The following ARHGAP22 variants were observed in gnomAD, a reference collection of about 807,000 sequenced individuals.
The protein encoded by ARHGAP22 is rho GTPase-activating protein 22.
Under a neutral mutation model 59.1 loss-of-function variants are expected in ARHGAP22, and 48 were observed. The ratio of observed to expected loss-of-function variants is 0.81; its 90% CI spans 0.64 to 1.03. The LOEUF (loss-of-function observed/expected upper bound fraction) is 1.03. Ranked by LOEUF, ARHGAP22 falls within the 50% of genes least tolerant of loss-of-function variation. ARHGAP22 has a pLI of 0.00. For synonymous variants in ARHGAP22, 445 were observed against 416.4 expected, an observed-to-expected ratio of 1.07 and a Z score of -0.84; for missense variants, 1,015 against 958.7, an observed-to-expected ratio of 1.06 and a Z score of -0.78.
chr10:48,630,614 A>G (rs1236969914), intron 1 of ARHGAP22, among the ~76,000 whole-genome samples: 1 of 152,238 alleles, frequency 6.6e-6, no homozygotes, highest in East Asian at 1.9e-4. Flanking sequence ...TGATATAAAA[A>G]AGGCATTGAC....
At position 48,446,528 on chromosome 10, in the gene ARHGAP22, T is replaced by C. The variant is rs1279804513; in HGVS notation, c.1960A>G (p.Ile654Val). ...GCCCGTTCAGAGTTCCGCAGCTTTA[T>C]TTCCAGCATGATGTATTTTTTCTTT... Reference protein sequence around the residue: ...QEKKKYIMLEIKLRNSERARE... With the variant: ...QEKKKYIMLEVKLRNSERARE... Residue 654 changes from isoleucine to valine, a missense_variant, in exon 10 of 10, where the codon ATA becomes GTA. Transcript: ENST00000249601. 4 of 1,614,254 alleles carry C rather than the reference T, an allele frequency of 2.5e-6. No homozygotes were observed. Among genetic ancestry groups the C allele is most frequent in the South Asian group, 2.2e-5 (2 of 91,086 alleles).
chr10:48,519,855 T>C (rs926372357), intron 3 of ARHGAP22, among the ~76,000 whole-genome samples: 3 of 152,136 alleles, frequency 2.0e-5, no homozygotes, highest in African/African-American at 7.2e-5. Context: ...GCTGAGCCTT[T>C]TCTGCAGGCA....
intron 3 of ARHGAP22, among the ~76,000 whole-genome samples, chr10:48,540,101 T>C (rs1052477080): frequency 4.6e-5 from 7 of 152,208 alleles, no homozygotes; most frequent in African/African-American, 1.7e-4. Context: ...CCCTTAACCA[T>C]GACCCCACAG....
chr10:48,530,236 CAAAAAAA>C (rs60902650), intron 3 of ARHGAP22, among the ~76,000 whole-genome samples: 6 of 49,042 alleles, frequency 1.2e-4, no homozygotes, highest in African/African-American at 2.1e-4. Context: ...GACTCCATTG[CAAAAAAA>C]AAAAAAAAAA....
chr10:48,576,602 A>T (rs2058725728), intron 2 of ARHGAP22, among the ~76,000 whole-genome samples: 1 of 151,968 alleles, frequency 6.6e-6, no homozygotes, highest in Non-Finnish European at 1.5e-5. Context: ...AATTATTTCC[A>T]TCTTATTTCA....
At chr10:48,564,037 A>G (rs912215205) in intron 2 of ARHGAP22, among the ~76,000 whole-genome samples, 4 of 152,228 alleles carry the variant, frequency 2.6e-5, no homozygotes, top group African/African-American at 9.6e-5. Context: ...ACCATGCAAC[A>G]GGAAGAGCAT....
chr10:48,615,380 G>T (rs1256222293), intron 1 of ARHGAP22, among the ~76,000 whole-genome samples: 1 of 152,138 alleles, frequency 6.6e-6, no homozygotes, highest in Non-Finnish European at 1.5e-5. Context: ...GACCACAGAT[G>T]ATAAAGAATA....
chr10:48,539,291 A>ATTTTTTTTT (rs56801787), intron 3 of ARHGAP22, among the ~76,000 whole-genome samples: 2 of 136,258 alleles, frequency 1.5e-5, no homozygotes, highest in African/African-American at 2.8e-5. Flanking sequence ...GAAGGGTAAC[A>ATTTTTTTTT]TTTTTTTTTT....
intron 4 of ARHGAP22, among the ~76,000 whole-genome samples, chr10:48,461,535 T>G (rs1016145765): frequency 6.6e-6 from 1 of 152,024 alleles, no homozygotes; most frequent in South Asian, 2.1e-4. Context: ...AAATGAGGAA[T>G]AGAGGGAGAG....
At chr10:48,587,353 G>A (rs1487897546) in intron 1 of ARHGAP22, among the ~76,000 whole-genome samples, 2 of 152,242 alleles carry the variant, frequency 1.3e-5, no homozygotes, top group African/African-American at 4.8e-5. Flanking sequence ...GGGGACTAAG[G>A]AGGACAGGGA....
intron 6 of ARHGAP22, among the ~76,000 whole-genome samples, chr10:48,454,448 A>G (rs1368950192): frequency 6.6e-6 from 1 of 152,136 alleles, no homozygotes; most frequent in Non-Finnish European, 1.5e-5. Context: ...TCAAGACACA[A>G]ATATTTGCCA....
At chr10:48,640,138 G>A (rs1196961158) in intron 1 of ARHGAP22, among the ~76,000 whole-genome samples, 1 of 152,114 alleles carries the variant, frequency 6.6e-6, no homozygotes, top group African/African-American at 2.4e-5. Flanking sequence ...ACAGGTGAAT[G>A]TAAAGACAGA....
chr10:48,563,862 T>C (rs755874328), intron 2 of ARHGAP22, among the ~76,000 whole-genome samples: 5 of 152,258 alleles, frequency 3.3e-5, no homozygotes, highest in Non-Finnish European at 7.3e-5. Context: ...TTTTTGGACA[T>C]ATTGGGTAAT....
Position 48,543,068 on chromosome 10 carries a change from G to T in ARHGAP22, c.322+12395C>A, listed in dbSNP as rs1041598864. Among the ~76,000 whole-genome samples, 7 of 152,214 alleles carry T rather than the reference G, an allele frequency of 4.6e-5. No homozygotes were observed. In the East Asian group the frequency reaches 1.4e-3, roughly 29 times the overall value. On this transcript the variant is annotated intron_variant, in intron 3 of 9. Transcript: ENST00000249601. ...GTATGGAGCAACTTGGGGGCCCCTG[G>T]GTGTCTGTGAGGGTCTGTTCTCACC...
intron 1 of ARHGAP22, 27 bp from the exon 2 acceptor site, chr10:48,583,179 G>C: frequency 1.2e-6 from 2 of 1,601,094 alleles, no homozygotes; most frequent in Admixed American, 3.4e-5. Flanking sequence ...CACAGAGTGA[G>C]CATGAAGGCA....
intron 2 of ARHGAP22, among the ~76,000 whole-genome samples, chr10:48,565,664 C>T (rs1460072383): frequency 6.6e-6 from 1 of 152,134 alleles, no homozygotes. Flanking sequence ...CAGCCTGTTC[C>T]ACCAGGCTGA....
At chr10:48,444,749 A>G (rs1286196263), downstream of ARHGAP22, 4 of 152,160 alleles carry the variant, frequency 2.6e-5, no homozygotes, top group East Asian at 7.7e-4. Context: ...TTCCCACCCA[A>G]TTTCTCCAAG....
At chr10:48,588,466 C>T (rs1292155323) in intron 1 of ARHGAP22, among the ~76,000 whole-genome samples, 1 of 152,188 alleles carries the variant, frequency 6.6e-6, no homozygotes, top group African/African-American at 2.4e-5. Flanking sequence ...TCAGCACTTC[C>T]TTTAATCAAT....
rs192376735 is a variant in ARHGAP22 at position 48,642,995 on chromosome 10, T to A, written c.52+9239A>T. ...CAACAGACACATGAAAAAATGCTTA[T>A]CATCACTGGCCATCAGAGAAATGCA... On this transcript the variant is annotated intron_variant, in intron 1 of 9. Coordinates refer to the ARHGAP22 transcript ENST00000435790. Among the ~76,000 whole-genome samples the A allele has an allele frequency of 5.6e-3, 853 of 152,286 alleles. 8 individuals carry two copies. The highest frequency in any genetic ancestry group is 0.02 in the African/African-American group (817 of 41,542).
Sources: gnomAD v4.1 joint callset for allele counts (sites outside exome capture counted in the v4.1 genomes callset) on GRCh38, gnomAD v4.1.1 for gene constraint, MANE v1.5 for transcripts, NCBI Gene and HGNC (gene_info 2026-07-23, HGNC 2026-07-21) for gene names.